SPNS3: variants seen among roughly 807,000 people sequenced by gnomAD.
SPNS3 encodes protein spinster homolog 3.
A neutral mutation model predicts 54.4 loss-of-function variants in SPNS3; 51 were observed. The ratio of observed to expected loss-of-function variants is 0.94; its 90% CI spans 0.75 to 1.18. SPNS3 has a LOEUF of 1.18. SPNS3 is among the 50% of genes most tolerant of loss of function. SPNS3 has a pLI of 0.00. For missense variants in SPNS3, 669 were observed against 677.4 expected (o/e 0.99, Z 0.14); for synonymous variants, 309 against 294.7 (o/e 1.05, Z -0.50).
chr17:4,461,122 A>G (rs1308790615), intron 8 of SPNS3, among the ~76,000 whole-genome samples: 1 of 152,054 alleles, frequency 6.6e-6, no homozygotes, highest in African/African-American at 2.4e-5. Context: ...AGGTTAATCT[A>G]ATTTGTTGGC....
intron 8 of SPNS3, among the ~76,000 whole-genome samples, chr17:4,461,588 G>A (rs1288673214): frequency 6.6e-6 from 1 of 151,982 alleles, no homozygotes; most frequent in Non-Finnish European, 1.5e-5. Flanking sequence ...GGAGGCTGTT[G>A]TTAGAATGCA....
Position 4,434,130 on chromosome 17 carries a change from A to C in SPNS3, c.163A>C (p.Asn55His), listed in dbSNP as rs1389014723. 1 of 1,611,784 alleles carries C rather than the reference A, an allele frequency of 6.2e-7. No homozygotes were observed. Among genetic ancestry groups the C allele is most frequent in the African/African-American group, 1.3e-5 (1 of 74,822 alleles). The change falls in exon 1 of 12, where the codon AAC becomes CAC. Residue 55 changes from asparagine (N) to histidine (H), a missense_variant. Asn to His is a moderately conservative substitution (Grantham distance 68). Transcript: ENST00000355530. ...GGCTGCCGCCGTCCTCTGCTACATC[A>C]ACCTCCTGAATTACATGAACTGGTT... ...YVAAAVLCYI[N>H]LLNYMNWFII...
At chr17:4,447,059 C>A in intron 5 of SPNS3, 97 bp downstream of exon 5, 2 of 1,296,666 alleles carry the variant, frequency 1.5e-6, no homozygotes, top group Non-Finnish European at 2.1e-6. Flanking sequence ...TAGCACCCGG[C>A]GCCATTAGGG....
At chr17:4,470,794 T>C (rs540449365) in intron 8 of SPNS3, among the ~76,000 whole-genome samples, 4 of 152,228 alleles carry the variant, frequency 2.6e-5, no homozygotes, top group Non-Finnish European at 5.9e-5. Context: ...TGTGGACTTA[T>C]TGATGAATAC....
At chr17:4,444,283 C>T (rs1415784691) in intron 2 of SPNS3, among the ~76,000 whole-genome samples, 5 of 151,746 alleles carry the variant, frequency 3.3e-5, no homozygotes, top group African/African-American at 9.7e-5. Flanking sequence ...GGCGTGATCC[C>T]GGCTCACTGC....
Position 4,449,317 on chromosome 17 carries a change from C to G in SPNS3, c.853C>G (p.Leu285Val). The G allele has an allele frequency of 6.2e-7, 1 of 1,612,326 alleles. No individual in the cohort carries two copies. Among genetic ancestry groups the G allele is most frequent in the Non-Finnish European group, 8.5e-7 (1 of 1,179,930 alleles). The part of the protein sequence containing the change: ...GALGFWAPKF[L>V]LEARVVHGLQ... ...CCTGGGGTTCTGGGCCCCCAAGTTT[C>G]TGCTCGAGGCACGCGTGGTTCACGG... The change falls in exon 7 of 12, where the codon CTG (leucine) becomes GTG (valine). Residue 285 changes from leucine to valine, a missense_variant. By Grantham distance (32) the Leu-to-Val change is conservative. Coordinates refer to ENST00000355530, the MANE Select transcript of SPNS3 (RefSeq NM_182538.5).
intron 8 of SPNS3, among the ~76,000 whole-genome samples, chr17:4,460,429 A>ATTTTTT (rs34851131): frequency 1.0e-5 from 1 of 98,940 alleles, no homozygotes; most frequent in African/African-American, 3.7e-5. Context: ...GTATTGCTGG[A>ATTTTTT]TTTTTTTTTT....
chr17:4,463,958 A>G (rs1971613361), intron 8 of SPNS3, among the ~76,000 whole-genome samples: 2 of 152,212 alleles, frequency 1.3e-5, no homozygotes, highest in Non-Finnish European at 2.9e-5. Context: ...GCCTGTGTGC[A>G]CATGTGGACC....
chr17:4,471,996 C>T (rs975504053), intron 8 of SPNS3, among the ~76,000 whole-genome samples: 5 of 152,010 alleles, frequency 3.3e-5, no homozygotes. Context: ...GTAGCTGGGA[C>T]TACAGGCGTG....
chr17:4,460,564 TG>T (rs1410672726), intron 8 of SPNS3, among the ~76,000 whole-genome samples: 5 of 151,304 alleles, frequency 3.3e-5, no homozygotes, highest in African/African-American at 1.2e-4. Flanking sequence ...CCCGAGTAGC[TG>T]GGACTACAGG....
chr17:4,448,019 C>T (rs1350787688), intron 5 of SPNS3, 136 bp from the exon 6 acceptor site: 8 of 766,298 alleles, frequency 1.0e-5, no homozygotes, highest in Non-Finnish European at 1.5e-5. Flanking sequence ...ATCCAGGAAT[C>T]AGGTCACCCC....
chr17:4,465,255 C>T (rs1183171326), intron 8 of SPNS3, among the ~76,000 whole-genome samples: 4 of 152,194 alleles, frequency 2.6e-5, no homozygotes, highest in South Asian at 2.1e-4. Flanking sequence ...TCTGTGCTTC[C>T]TCACAGCATG....
intron 2 of SPNS3, among the ~76,000 whole-genome samples, chr17:4,443,250 T>C (rs1177284652): frequency 6.6e-6 from 1 of 152,146 alleles, no homozygotes; most frequent in African/African-American, 2.4e-5. Context: ...TCTGTATTTT[T>C]AGTAGAGATG....
intron 8 of SPNS3, among the ~76,000 whole-genome samples, chr17:4,462,754 A>AATCTATCCATCC (rs1555531272): frequency 2.9e-4 from 6 of 20,402 alleles, no homozygotes; most frequent in Admixed American, 2.0e-3. Context: ...TCCATCCACC[A>AATCTATCCATCC]ATCCATCCAT....
intron 8 of SPNS3, among the ~76,000 whole-genome samples, chr17:4,453,719 T>C (rs1292998856): frequency 1.3e-5 from 2 of 152,204 alleles, no homozygotes; most frequent in African/African-American, 4.8e-5. Context: ...AAAGGTGTCC[T>C]CTGAGCATTG....
chr17:4,473,983 T>A (rs1567572833), intron 8 of SPNS3, among the ~76,000 whole-genome samples: 1 of 150,950 alleles, frequency 6.6e-6, no homozygotes, highest in East Asian at 1.9e-4. Context: ...CCTTTCTACC[T>A]GGCTTTCTGG....
At chr17:4,477,249 C>T (rs1972027754) in intron 8 of SPNS3, among the ~76,000 whole-genome samples, 1 of 152,232 alleles carries the variant, frequency 6.6e-6, no homozygotes, top group Non-Finnish European at 1.5e-5. Flanking sequence ...GTAATGACGT[C>T]TGCCTTACAG....
chr17:4,484,792 C>A (rs939713452), intron 9 of SPNS3, among the ~76,000 whole-genome samples: 2 of 151,818 alleles, frequency 1.3e-5, no homozygotes, highest in South Asian at 2.1e-4. Context: ...TGGGTTCTGG[C>A]AGACTTTCTC....
chr17:4,446,317 AAT>A, intron 4 of SPNS3, 118 bp downstream of exon 4: 1 of 1,116,380 alleles, frequency 9.0e-7, no homozygotes, highest in Non-Finnish European at 1.3e-6. Flanking sequence ...TTTGAGTCCC[AAT>A]GCTACCCCTC....
Sources: allele counts gnomAD v4.1 joint callset (sites outside exome capture counted in the v4.1 genomes callset), GRCh38; gene constraint gnomAD v4.1.1; transcripts MANE v1.5; gene names NCBI Gene and HGNC (gene_info 2026-07-23, HGNC 2026-07-21).